NXPE2: variants seen among roughly 807,000 people sequenced by gnomAD.
The protein encoded by NXPE2 is neurexophilin and PC-esterase domain family member 2.
A neutral mutation model predicts 34.4 loss-of-function variants in NXPE2; 34 were observed. The observed-to-expected ratio is 0.99, with a 90% CI of 0.75 to 1.31. The LOEUF is 1.31. NXPE2 is among the 40% of genes most tolerant of loss of function. The pLI is 0.00. For synonymous variants in NXPE2, 235 were observed against 231.3 expected (o/e 1.02, Z -0.15); for missense variants, 649 against 672.5 (o/e 0.97, Z 0.39).
the NXPE2 span, chr11:114,518,030 TTGGA>T: frequency 1.3e-5 from 2 of 152,634 alleles, no homozygotes; most frequent in South Asian, 2.1e-4. Context: ...TCCTGTGAGG[TTGGA>T]GCAGGCTCTG....
chr11:114,739,530 T>G, the NXPE2 span, among the ~76,000 whole-genome samples: 1 of 152,102 alleles, frequency 6.6e-6, no homozygotes, highest in Non-Finnish European at 1.5e-5. Context: ...TTTTAATATA[T>G]GTACACATTG....
chr11:114,711,541 A>C (rs190499753), downstream of NXPE2, among the ~76,000 whole-genome samples: 51 of 152,306 alleles, frequency 3.3e-4, no homozygotes, highest in African/African-American at 1.1e-3. Flanking sequence ...AGGATAAAAT[A>C]GCTAGCAATA....
At chr11:114,519,970 G>GCCACCGTCC in the NXPE2 span, among the ~76,000 whole-genome samples, 3 of 112,734 alleles carry the variant, frequency 2.7e-5, no homozygotes, top group African/African-American at 5.0e-5. Flanking sequence ...CGGCGAGCTT[G>GCCACCGTCC]CCCGCTAATT....
At chr11:114,635,436 C>T in the NXPE2 span, among the ~76,000 whole-genome samples, 2 of 151,442 alleles carry the variant, frequency 1.3e-5, no homozygotes, top group South Asian at 4.2e-4. Context: ...TTCCTCTTTT[C>T]CTAATTGAAT....
chr11:114,766,282 C>G, the NXPE2 span, among the ~76,000 whole-genome samples: 1 of 152,070 alleles, frequency 6.6e-6, no homozygotes, highest in Non-Finnish European at 1.5e-5. Context: ...TCCAAGCTGC[C>G]CTTCCACCTG....
the NXPE2 span, among the ~76,000 whole-genome samples, chr11:114,621,825 T>C: frequency 6.6e-6 from 1 of 152,256 alleles, no homozygotes; most frequent in African/African-American, 2.4e-5. Flanking sequence ...GTAACCACTG[T>C]TACCTGCTGG....
intron 5 of NXPE2, 39 bp downstream of exon 5, chr11:114,706,035 T>C: frequency 1.1e-6 from 1 of 887,726 alleles, no homozygotes; most frequent in Non-Finnish European, 1.5e-6. Context: ...CTATTTGACT[T>C]TTGAGGGTTT....
At chr11:114,570,982 C>A in the NXPE2 span, 1 of 1,610,298 alleles carries the variant, frequency 6.2e-7, no homozygotes, top group Non-Finnish European at 8.5e-7. Context: ...TTTCCGACTA[C>A]ATGTTGAGGT....
At chr11:114,628,305 A>G in the NXPE2 span, among the ~76,000 whole-genome samples, 1 of 151,800 alleles carries the variant, frequency 6.6e-6, no homozygotes, top group East Asian at 1.9e-4. Context: ...AAGAACAGAA[A>G]TTATAACAAA....
chr11:114,568,574 A>G, the NXPE2 span, among the ~76,000 whole-genome samples: 2 of 148,900 alleles, frequency 1.3e-5, no homozygotes, highest in Non-Finnish European at 3.0e-5. Flanking sequence ...CTACCCACCC[A>G]TTATAATTAG....
chr11:114,490,929 G>A, the NXPE2 span, among the ~76,000 whole-genome samples: 1,506 of 151,832 alleles, frequency 9.9e-3, 29 homozygotes, highest in African/African-American at 0.034. Context: ...TTGGGAGGCC[G>A]AGGCGGGTGG....
chr11:114,767,950 G>A, the NXPE2 span, among the ~76,000 whole-genome samples: 638 of 152,194 alleles, frequency 4.2e-3, 10 homozygotes, highest in African/African-American at 0.015. Context: ...AAGCTTCAAT[G>A]TTCTCATCTG....
the NXPE2 span, among the ~76,000 whole-genome samples, chr11:114,632,385 A>T: frequency 2.7e-4 from 36 of 133,584 alleles, no homozygotes; most frequent in African/African-American, 9.7e-4. Flanking sequence ...GTTATATATG[A>T]TATAAATATA....
At chr11:114,642,084 T>G in the NXPE2 span, among the ~76,000 whole-genome samples, 1 of 152,204 alleles carries the variant, frequency 6.6e-6, no homozygotes, top group East Asian at 1.9e-4. Context: ...AAAGATTAAC[T>G]TCCAAAGTGG....
chr11:114,664,364 T>C, the NXPE2 span, among the ~76,000 whole-genome samples: 923 of 152,236 alleles, frequency 6.1e-3, 5 homozygotes, highest in Non-Finnish European at 7.8e-3. Context: ...CACAAAGGTG[T>C]ATAAGTAAAG....
At chr11:114,578,113 C>T in the NXPE2 span, among the ~76,000 whole-genome samples, 35 of 152,198 alleles carry the variant, frequency 2.3e-4, no homozygotes, top group South Asian at 1.7e-3. Flanking sequence ...GGAAAATGTT[C>T]AGAGGAGGAT....
chr11:114,777,792 T>A, the NXPE2 span, among the ~76,000 whole-genome samples: 1 of 152,216 alleles, frequency 6.6e-6, no homozygotes, highest in African/African-American at 2.4e-5. Context: ...GTATCTGACC[T>A]CTGTGCTTCA....
chr11:114,498,427 G>A, the NXPE2 span, among the ~76,000 whole-genome samples: 1,031 of 152,138 alleles, frequency 6.8e-3, 14 homozygotes, highest in African/African-American at 0.022. Flanking sequence ...CTACATAAAT[G>A]TGTGTAACTA....
the NXPE2 span, among the ~76,000 whole-genome samples, chr11:114,739,303 C>G: frequency 4.4e-5 from 2 of 45,372 alleles, no homozygotes; most frequent in African/African-American, 1.5e-4. Context: ...TTCCTTCCTT[C>G]CTTCCTTCCT....
Sources: allele counts gnomAD v4.1 joint callset (sites outside exome capture counted in the v4.1 genomes callset), GRCh38; gene constraint gnomAD v4.1.1; transcripts MANE v1.5; gene names NCBI Gene and HGNC (gene_info 2026-07-23, HGNC 2026-07-21).